OSBPL1A: variants seen among roughly 807,000 people sequenced by gnomAD.
OSBPL1A encodes the protein oxysterol binding protein like 1A, also known as oxysterol-binding protein-related protein 1.
Under a neutral mutation model 137.1 loss-of-function variants are expected in OSBPL1A, and 80 were observed. The observed-to-expected ratio is 0.58, with a 90% CI of 0.49 to 0.70. OSBPL1A has a LOEUF of 0.70. Ranked by LOEUF, OSBPL1A falls within the 30% of genes least tolerant of loss-of-function variation. The pLI is 0.00. For missense variants in OSBPL1A, 970 were observed against 1,129.4 expected, an observed-to-expected ratio of 0.86 and a Z score of 2.02; for synonymous variants, 365 against 389.7, an observed-to-expected ratio of 0.94 and a Z score of 0.75.
chr18:24,163,390 G>T, intron 27 of OSBPL1A, 109 bp from the exon 28 acceptor site: 1 of 740,770 alleles, frequency 1.3e-6, no homozygotes, highest in Non-Finnish European at 2.3e-6. Flanking sequence ...TTCTGTGAGT[G>T]AGGGATAGTT....
chr18:24,332,657 C>T lies in OSBPL1A; in HGVS notation c.625+285G>A, dbSNP rs115841076. Among the ~76,000 whole-genome samples the T allele has an allele frequency of 4.4e-3, 661 of 151,596 alleles. 7 individuals are homozygous for T. Among genetic ancestry groups the T allele is most frequent in the African/African-American group, 0.015 (633 of 41,344 alleles). ...TTGCAGGAACCTAATCCTGTATTTT[C>T]CCCTAGGAACAATAGTTCAGTGTTC... On this transcript the variant is annotated intron_variant, in intron 7 of 27. Coordinates refer to ENST00000319481, the MANE Select transcript of OSBPL1A (RefSeq NM_080597.4).
intron 15 of OSBPL1A, among the ~76,000 whole-genome samples, chr18:24,275,467 G>A (rs1297981591): frequency 6.6e-6 from 1 of 152,144 alleles, no homozygotes; most frequent in Non-Finnish European, 1.5e-5. Context: ...ACGGGTGCAG[G>A]CCCAAAAGAG....
intron 14 of OSBPL1A, among the ~76,000 whole-genome samples, chr18:24,291,505 A>G (rs2146087204): frequency 6.6e-6 from 1 of 152,322 alleles, no homozygotes; most frequent in Non-Finnish European, 1.5e-5. Context: ...AGGTAGGAGG[A>G]TAGAACGAGA....
intron 15 of OSBPL1A, among the ~76,000 whole-genome samples, chr18:24,255,230 A>G (rs1488084802): frequency 6.6e-6 from 1 of 152,256 alleles, no homozygotes; most frequent in East Asian, 1.9e-4. Flanking sequence ...AGTAAAGAAA[A>G]GCCTGGGACC....
Position 24,181,246 on chromosome 18 carries a change from T to G in OSBPL1A, c.1711A>C (p.Asn571His). The G allele has an allele frequency of 1.2e-6, 2 of 1,614,156 alleles. No individual in the cohort carries two copies. The highest frequency in any genetic ancestry group is 1.7e-6 in the Non-Finnish European group (2 of 1,180,012). Reference sequence around the variant, plus strand: ...CGCTGTAGGAAGCTCAGAGGCTCATTAAATATAACTGGCATCGTGATCTTG... The same window carrying G: ...CGCTGTAGGAAGCTCAGAGGCTCATGAAATATAACTGGCATCGTGATCTTG... Reference protein sequence around the residue: ...LSKITMPVIFNEPLSFLQRLT... With the variant: ...LSKITMPVIFHEPLSFLQRLT... The change falls in exon 19 of 28, where the codon AAT (asparagine) becomes CAT (histidine). Residue 571 changes from asparagine to histidine, a missense_variant. Physicochemically the swap from Asn to His is moderately conservative, Grantham distance 68. Transcript: ENST00000319481.
intron 1 of OSBPL1A, among the ~76,000 whole-genome samples, chr18:24,377,904 A>T (rs917415282): frequency 2.0e-5 from 3 of 152,196 alleles, no homozygotes; most frequent in Non-Finnish European, 4.4e-5. Flanking sequence ...TAAAAGGAAA[A>T]AACAAAATTA....
intron 17 of OSBPL1A, among the ~76,000 whole-genome samples, chr18:24,207,025 C>T (rs1233387027): frequency 3.3e-5 from 5 of 152,090 alleles, no homozygotes; most frequent in African/African-American, 4.8e-5. Context: ...TCTCAAGTTA[C>T]GATGGAGCCA....
chr18:24,304,649 G>T (rs2090466899), intron 13 of OSBPL1A, among the ~76,000 whole-genome samples: 1 of 152,050 alleles, frequency 6.6e-6, no homozygotes, highest in Non-Finnish European at 1.5e-5. Context: ...CCTAATCTCA[G>T]CTAGCCCATC....
intron 14 of OSBPL1A, among the ~76,000 whole-genome samples, chr18:24,297,308 T>G (rs2090310278): frequency 6.6e-6 from 1 of 152,186 alleles, no homozygotes; most frequent in South Asian, 2.1e-4. Context: ...TTTCAAATGA[T>G]CTTTTGTATT....
At position 24,293,359 on chromosome 18, in the gene OSBPL1A, C is replaced by T. The variant is rs536559902; in HGVS notation, c.1174+10278G>A. 1.6e-3 allele frequency among the ~76,000 whole-genome samples: 236 copies of T among 152,116 alleles called. 1 individual carries two copies. The highest frequency in any genetic ancestry group is 5.2e-3 in the African/African-American group (217 of 41,516). ...CCGGCAGCACTGCGGAACCACAGTC[C>T]GGCTGGAGAGAATGAAGGTAAAGCC... On this transcript the variant is annotated intron_variant, in intron 14 of 27. Transcript: ENST00000319481.
At chr18:24,289,389 T>C (rs1001020647) in intron 14 of OSBPL1A, among the ~76,000 whole-genome samples, 28 of 151,750 alleles carry the variant, frequency 1.8e-4, no homozygotes, top group African/African-American at 6.8e-4. Context: ...TTTTTGATAT[T>C]CATTCCAGAC....
intron 4 of OSBPL1A, chr18:24,357,330 G>A (rs1201655166): frequency 6.6e-6 from 1 of 152,176 alleles, no homozygotes; most frequent in Non-Finnish European, 1.5e-5. Context: ...TTTTACATAA[G>A]ATGACATAAA....
chr18:24,334,611 T>G (rs1349930412), intron 5 of OSBPL1A, among the ~76,000 whole-genome samples: 1 of 152,204 alleles, frequency 6.6e-6, no homozygotes, highest in African/African-American at 2.4e-5. Context: ...ACCGAAACAC[T>G]ATTACATATT....
At position 24,333,072 on chromosome 18, in the gene OSBPL1A, A is replaced by T. The variant is rs34907319; in HGVS notation, c.495T>A (p.Asn165Lys). 6.0e-3 allele frequency: 9,657 copies of T among 1,613,806 alleles called. 48 individuals are homozygous for T. The highest frequency in any genetic ancestry group is 7.7e-3 in the Non-Finnish European group (9,064 of 1,179,862). ...GATCCGAACAGTTAACATCAGGAGG[A>T]TTGGGCCTGTTGAGCTAACAATTAA... is the stretch of plus-strand genomic sequence containing the variant. ...TELTALLNRPNPPDVNCSDQL... is the reference protein window; with the variant it reads ...TELTALLNRPKPPDVNCSDQL... The change falls in exon 7 of 28, where the codon AAT becomes AAA. Residue 165 changes from asparagine to lysine, a missense_variant. This residue lies in a region of OSBPL1A where 647 missense variants were observed against 672.6 expected (regional missense o/e 0.96). Transcript: ENST00000319481.
intron 6 of OSBPL1A, 39 bp from the exon 7 acceptor site, chr18:24,333,125 A>C (rs779697759): frequency 1.3e-6 from 2 of 1,594,592 alleles, no homozygotes; most frequent in Non-Finnish European, 1.7e-6. Context: ...TTATATATCA[A>C]AGATAGACTT....
intron 14 of OSBPL1A, among the ~76,000 whole-genome samples, chr18:24,293,521 G>A (rs1207072426): frequency 6.6e-6 from 1 of 152,242 alleles, no homozygotes; most frequent in Non-Finnish European, 1.5e-5. Flanking sequence ...GAGCAGACGA[G>A]GAGGAGCAAA....
At chr18:24,226,082 C>A (rs2088067938) in intron 16 of OSBPL1A, among the ~76,000 whole-genome samples, 1 of 152,170 alleles carries the variant, frequency 6.6e-6, no homozygotes, top group Non-Finnish European at 1.5e-5. Flanking sequence ...GGCAGGCATT[C>A]TTAGGATGGA....
chr18:24,229,900 G>A (rs921234072), intron 16 of OSBPL1A, among the ~76,000 whole-genome samples: 10 of 152,012 alleles, frequency 6.6e-5, no homozygotes, highest in Admixed American at 3.9e-4. Context: ...ATAAGCGCGC[G>A]CCACCATGCC....
At chr18:24,197,684 C>A (rs559205776) in intron 17 of OSBPL1A, among the ~76,000 whole-genome samples, 1 of 152,046 alleles carries the variant, frequency 6.6e-6, no homozygotes, top group African/African-American at 2.4e-5. Flanking sequence ...ATAATAGATA[C>A]CAGGAATAAG....
Sources: allele counts gnomAD v4.1 joint callset (sites outside exome capture counted in the v4.1 genomes callset), GRCh38; gene constraint gnomAD v4.1.1; regional missense constraint gnomAD v4.1.1; transcripts MANE v1.5; gene names NCBI Gene and HGNC (gene_info 2026-07-23, HGNC 2026-07-21).